POC5: variants seen among roughly 807,000 people sequenced by gnomAD.
POC5 encodes the protein centrosomal protein POC5.
A neutral mutation model predicts 62.9 loss-of-function variants in POC5; 48 were observed. That is an observed-to-expected ratio of 0.76 (90% CI 0.61 to 0.97). The LOEUF is 0.97. Ranked by LOEUF, POC5 falls within the 50% of genes least tolerant of loss-of-function variation. POC5 has a pLI of 0.00. For synonymous variants in POC5, 236 were observed against 228.2 expected (o/e 1.03, Z -0.31); for missense variants, 696 against 679.5 (o/e 1.02, Z -0.27).
chr5:75,678,101 G>A (rs532239846), intron 10 of POC5, among the ~76,000 whole-genome samples, 151 bp from the exon 11 acceptor site: 207 of 151,954 alleles, frequency 1.4e-3, no homozygotes, highest in Middle Eastern at 0.01. Context: ...ATCACAAGAC[G>A]AAAAGCAAAA....
At chr5:75,678,364 T>C (rs146411317) in intron 10 of POC5, among the ~76,000 whole-genome samples, 32 of 152,212 alleles carry the variant, frequency 2.1e-4, no homozygotes, top group African/African-American at 7.5e-4. Flanking sequence ...ATCTCTGTCA[T>C]TTTATCACCT....
Position 75,689,163 on chromosome 5 carries a change from T to C in POC5, c.978A>G (p.Leu326=), listed in dbSNP as rs200083165. The C allele has an allele frequency of 4.7e-4, 724 of 1,532,236 alleles. 4 individuals are homozygous for C. The African/African-American group carries it at 8.8e-3, about 19-fold the overall frequency. 94.9% of individuals were successfully genotyped at this position (1,532,236 alleles called of 1,614,324 possible). A position where few individuals can be genotyped will look rare whatever the true frequency, so the allele number is the denominator to read the frequency against. ...CTTTTGCATTTTCCAAAGCTCCAGA[T>C]AACTAAAATAAGAATGTTTAAAAAG... ...SNDYEAKVAM[L]SGALENAKAE... The change falls in exon 9 of 12, where the codon TTA becomes TTG. Residue 326 remains leucine (L), a splice_region_variant and synonymous_variant. Coordinates refer to ENST00000428202, the MANE Select transcript of POC5 (RefSeq NM_001099271.2).
intron 6 of POC5, among the ~76,000 whole-genome samples, chr5:75,693,414 G>A (rs896773504): frequency 1.3e-5 from 2 of 151,876 alleles, no homozygotes; most frequent in African/African-American, 4.8e-5. Context: ...TTCCAGAGAG[G>A]AAAAGGGCAT....
At chr5:75,683,727 C>T (rs74407893) in intron 10 of POC5, among the ~76,000 whole-genome samples, 2,524 of 151,142 alleles carry the variant, frequency 0.017, 32 homozygotes, top group Non-Finnish European at 0.027. Context: ...AAATTAGAGA[C>T]AGGGTCTTGC....
Position 75,692,506 on chromosome 5 carries a change from A to ATTCATTGATCTGATTAC in POC5, c.691-7_691-6insGTAATCAGATCAATGAA. The ATTCATTGATCTGATTAC allele has an allele frequency of 6.4e-7, 1 of 1,561,282 alleles. No homozygotes were observed. Among genetic ancestry groups the ATTCATTGATCTGATTAC allele is most frequent in the South Asian group, 1.2e-5 (1 of 84,848 alleles). On this transcript the variant is annotated splice_region_variant and splice_polypyrimidine_tract_variant and intron_variant, in intron 6 of 11. Transcript: ENST00000428202. The stretch of plus-strand genomic sequence containing the variant: ...TGAGACAAGCTAGAAATCACCTGTA[A>ATTCATTGATCTGATTAC]ACAGCAATTAACCCAATTATTGTGA...
intron 2 of POC5, chr5:75,712,508 T>C (rs2112216578): frequency 2.1e-6 from 3 of 1,447,376 alleles, no homozygotes; most frequent in Non-Finnish European, 2.9e-6. Flanking sequence ...TGGTTTGATA[T>C]TGTATTAATT....
At chr5:75,717,116 C>T (rs1214106997) in intron 1 of POC5, among the ~76,000 whole-genome samples, 190 bp downstream of exon 1, 1 of 152,242 alleles carries the variant, frequency 6.6e-6, no homozygotes, top group Non-Finnish European at 1.5e-5. Context: ...TCCCTCACTC[C>T]TGCTCACTTC....
At chr5:75,698,733 GAAAT>G (rs1318605117) in intron 5 of POC5, among the ~76,000 whole-genome samples, 6 of 151,882 alleles carry the variant, frequency 4.0e-5, no homozygotes, top group African/African-American at 1.5e-4. Context: ...AGAACTGAAG[GAAAT>G]AGAGACACAA....
chr5:75,681,621 A>G (rs1775868834), intron 10 of POC5, among the ~76,000 whole-genome samples: 1 of 148,210 alleles, frequency 6.7e-6, no homozygotes, highest in Non-Finnish European at 1.5e-5. Flanking sequence ...TTTAAATTTA[A>G]ATAATTTTTT....
chr5:75,699,483 T>C (rs915735980), intron 5 of POC5, among the ~76,000 whole-genome samples: 8 of 150,174 alleles, frequency 5.3e-5, no homozygotes, highest in Non-Finnish European at 7.4e-5. Flanking sequence ...ATTATCTCAA[T>C]AGATGCAGAA....
At chr5:75,700,732 A>C (rs1429892443) in intron 5 of POC5, among the ~76,000 whole-genome samples, 1 of 140,892 alleles carries the variant, frequency 7.1e-6, no homozygotes, top group African/African-American at 2.5e-5. Context: ...ATCTAATTAA[A>C]CTAAAGAGCT....
rs1377890218 is a variant in POC5 at position 75,712,870 on chromosome 5, A to T, written c.68T>A (p.Val23Asp). The change falls in exon 2 of 12, where the codon GTC becomes GAC. Residue 23 changes from valine to aspartate, a missense_variant. By Grantham distance (152) the Val-to-Asp change is radical. Coordinates refer to ENST00000428202, the MANE Select transcript of POC5 (RefSeq NM_001099271.2). ...VQNDSSRGSS[V>D]SSNLQEEYEE... is the part of the protein sequence containing the mutation. ...TTTTCCTACCTGAAGATTCGAAGAG[A>T]CAGAACTGCCTCGACTGGAGTCATT... 1.9e-6 allele frequency: 3 copies of T among 1,611,046 alleles called. No individual in the cohort carries two copies.
At chr5:75,698,011 GA>G (rs1776688242) in intron 5 of POC5, among the ~76,000 whole-genome samples, 1 of 144,022 alleles carries the variant, frequency 6.9e-6, no homozygotes, top group African/African-American at 2.5e-5. Flanking sequence ...TCAACAAGAA[GA>G]GCTAACTATC....
chr5:75,684,418 T>C (rs1288869099), intron 10 of POC5, among the ~76,000 whole-genome samples: 1 of 145,526 alleles, frequency 6.9e-6, no homozygotes, highest in Non-Finnish European at 1.5e-5. Flanking sequence ...CAGGCTGGAG[T>C]GCAATGGCAT....
chr5:75,677,516 AT>A, intron 11 of POC5: 1 of 235,638 alleles, frequency 4.2e-6, no homozygotes, highest in Non-Finnish European at 8.1e-6. Context: ...TACTTTTAGT[AT>A]TTTATAATTT....
chr5:75,690,641 T>A, intron 7 of POC5, 79 bp from the exon 8 acceptor site: 1 of 1,151,962 alleles, frequency 8.7e-7, no homozygotes, highest in Non-Finnish European at 1.2e-6. Flanking sequence ...CATAACATGG[T>A]GGTAAGTGTA....
In POC5 at chr5:75,694,796, A is replaced by G. The variant is rs1776489896; in HGVS notation, c.549T>C (p.Leu183=). The change falls in exon 6 of 12, where the codon CTT becomes CTC. Residue 183 remains leucine, a synonymous_variant. Transcript: ENST00000428202. ...CCATTCGGTGCCAGTCAATAAAATTAAGTCTCCATTTACTTAGTTCAGATA... is the reference window on the plus strand; with the variant it reads ...CCATTCGGTGCCAGTCAATAAAATTGAGTCTCCATTTACTTAGTTCAGATA... ...NIISELSKWR[L]NFIDWHRMEM... 2 of 1,567,412 alleles carry G rather than the reference A, an allele frequency of 1.3e-6. No homozygotes were observed. Among genetic ancestry groups the G allele is most frequent in the Non-Finnish European group, 1.7e-6 (2 of 1,143,946 alleles).
At chr5:75,707,307 A>G (rs1220796811) in intron 3 of POC5, among the ~76,000 whole-genome samples, 1 of 152,216 alleles carries the variant, frequency 6.6e-6, no homozygotes, top group East Asian at 1.9e-4. Context: ...ACAGTCCTCC[A>G]TGCCCATATA....
At chr5:75,702,177 G>A (rs1477870782) in intron 5 of POC5, among the ~76,000 whole-genome samples, 2 of 152,086 alleles carry the variant, frequency 1.3e-5, no homozygotes, top group Non-Finnish European at 2.9e-5. Context: ...TGGAGGGTAA[G>A]GGGAGGGAGA....
Sources: gnomAD v4.1 joint callset for allele counts (sites outside exome capture counted in the v4.1 genomes callset) on GRCh38, gnomAD v4.1.1 for gene constraint, MANE v1.5 for transcripts, NCBI Gene and HGNC (gene_info 2026-07-23, HGNC 2026-07-21) for gene names.